The following SMIM41 variants were observed in gnomAD, a reference collection of about 807,000 sequenced individuals.
SMIM41 encodes small integral membrane protein 41.
At chr12:52,095,398 A>G (rs1940075379) in intron 2 of SMIM41, among the ~76,000 whole-genome samples, 1 of 151,722 alleles carries the variant, frequency 6.6e-6, no homozygotes, top group Non-Finnish European at 1.5e-5. Flanking sequence ...GTGGTCCCAT[A>G]GCGTGTTTAC....
intron 1 of SMIM41, among the ~76,000 whole-genome samples, chr12:52,080,825 A>C (rs1188459084): frequency 6.6e-6 from 1 of 151,442 alleles, no homozygotes; most frequent in Non-Finnish European, 1.5e-5. Context: ...GCCCTGGGGA[A>C]TGGGGAGGTG....
intron 2 of SMIM41, among the ~76,000 whole-genome samples, chr12:52,090,446 C>T (rs1458314898): frequency 8.3e-5 from 8 of 96,266 alleles, no homozygotes; most frequent in Middle Eastern, 5.3e-3. Context: ...GGGGAGGGGG[C>T]GGGGGGGAAG....
intron 2 of SMIM41, among the ~76,000 whole-genome samples, chr12:52,098,740 G>A (rs571202224): frequency 0.029 from 3,546 of 123,998 alleles, 78 homozygotes; most frequent in South Asian, 0.073. Flanking sequence ...ATCACGGGGG[G>A]GGGGGTGTAC....
intron 2 of SMIM41, among the ~76,000 whole-genome samples, chr12:52,097,733 T>G (rs1414374241): frequency 6.6e-6 from 1 of 152,002 alleles, no homozygotes; most frequent in Non-Finnish European, 1.5e-5. Flanking sequence ...GTCCATATAT[T>G]AAGAACAATA....
intron 2 of SMIM41, among the ~76,000 whole-genome samples, chr12:52,103,528 G>A (rs1205355695): frequency 1.3e-5 from 2 of 152,064 alleles, no homozygotes; most frequent in Non-Finnish European, 2.9e-5. Context: ...GAAGGCTGAG[G>A]TAGGCAGATC....
At chr12:52,105,144 G>A (rs368749990) in intron 2 of SMIM41, among the ~76,000 whole-genome samples, 14 of 152,306 alleles carry the variant, frequency 9.2e-5, no homozygotes, top group South Asian at 4.1e-4. Context: ...CACTCAGGCC[G>A]ATGCCCCTGC....
chr12:52,097,480 G>T (rs971719214), intron 2 of SMIM41, among the ~76,000 whole-genome samples: 6 of 152,054 alleles, frequency 3.9e-5, no homozygotes, highest in African/African-American at 1.4e-4. Flanking sequence ...CCCCGCTGAT[G>T]CGCAGAGTGA....
chr12:52,105,079 C>T (rs1940306758), intron 2 of SMIM41, among the ~76,000 whole-genome samples: 1 of 152,264 alleles, frequency 6.6e-6, no homozygotes, highest in South Asian at 2.1e-4. Flanking sequence ...AGTCCAGACA[C>T]ATGGCATTTG....
intron 2 of SMIM41, among the ~76,000 whole-genome samples, chr12:52,096,100 C>T (rs1215583110): frequency 6.6e-6 from 1 of 151,502 alleles, no homozygotes; most frequent in African/African-American, 2.4e-5. Flanking sequence ...TCTTATCGTC[C>T]TCTCCCTTCC....
chr12:52,089,319 G>A (rs1939944362), intron 2 of SMIM41, among the ~76,000 whole-genome samples: 1 of 152,080 alleles, frequency 6.6e-6, no homozygotes, highest in African/African-American at 2.4e-5. Context: ...GGGGGGTCGG[G>A]TGGGGCGGCT....
At chr12:52,086,497 C>T (rs1398992993) in intron 2 of SMIM41, among the ~76,000 whole-genome samples, 1 of 152,184 alleles carries the variant, frequency 6.6e-6, no homozygotes. Flanking sequence ...ATAAAACAAA[C>T]ACGCAAAAAG....
At chr12:52,099,553 C>G (rs1940173169) in intron 2 of SMIM41, among the ~76,000 whole-genome samples, 2 of 151,948 alleles carry the variant, frequency 1.3e-5, no homozygotes, top group African/African-American at 2.4e-5. Flanking sequence ...GTAATATCCT[C>G]TCCTCCACGG....
Position 52,107,840 on chromosome 12 carries a change from G to C in SMIM41, c.*657G>C, listed in dbSNP as rs1940372881. On this transcript the variant is annotated 3_prime_UTR_variant, in exon 3 of 3. Coordinates refer to ENST00000546390, the MANE Select transcript of SMIM41 (RefSeq NM_001369216.1). ...AACTTGATTGCCTTACTAATGACCT[G>C]CTTCAAGGAGGTGGACATTCCTAAT... The C allele has an allele frequency of 1.1e-5, 4 of 348,152 alleles. No individual in the cohort carries two copies. The highest frequency in any genetic ancestry group is 2.2e-5 in the African/African-American group (1 of 46,202). The allele number at this position is 348,152 out of a possible 1,614,324, so 21.6% of individuals were successfully genotyped here. A position where few individuals can be genotyped will look rare whatever the true frequency, so the allele number is the denominator to read the frequency against.
chr12:52,089,493 C>T (rs1565666574), intron 2 of SMIM41, among the ~76,000 whole-genome samples: 1 of 152,124 alleles, frequency 6.6e-6, no homozygotes, highest in African/African-American at 2.4e-5. Flanking sequence ...ACTCTGGAGG[C>T]TGAGACAAGA....
At chr12:52,095,340 G>A (rs565122297) in intron 2 of SMIM41, among the ~76,000 whole-genome samples, 1 of 151,326 alleles carries the variant, frequency 6.6e-6, no homozygotes, top group East Asian at 2.0e-4. Context: ...CCCGCGATTC[G>A]GGGAGTAATA....
At chr12:52,091,080 T>C (rs766516686) in intron 2 of SMIM41, among the ~76,000 whole-genome samples, 5 of 152,240 alleles carry the variant, frequency 3.3e-5, no homozygotes, top group Non-Finnish European at 7.3e-5. Flanking sequence ...GGCACAATCA[T>C]GGCTCATTCT....
At chr12:52,092,607 C>T (rs1565667638) in intron 2 of SMIM41, 1 of 152,208 alleles carries the variant, frequency 6.6e-6, no homozygotes, top group African/African-American at 2.4e-5. Context: ...TCTTTCACCT[C>T]CTTCTTTTTT....
intron 2 of SMIM41, among the ~76,000 whole-genome samples, chr12:52,089,480 G>C (rs137878963): frequency 3.9e-5 from 6 of 152,236 alleles, no homozygotes; most frequent in African/African-American, 9.6e-5. Flanking sequence ...GTGCATGCCA[G>C]CTACTCTGGA....
rs995359386 is a variant in SMIM41 at position 52,107,543 on chromosome 12, C to G, written c.*360C>G. 1.9e-5 allele frequency: 19 copies of G among 975,908 alleles called. No individual in the cohort carries two copies. Among genetic ancestry groups the G allele is most frequent in the Admixed American group, 9.0e-5 (5 of 55,584 alleles). The allele number at this position is 975,908 out of a possible 1,614,324, so 60.5% of individuals were successfully genotyped here. A position where few individuals can be genotyped will look rare whatever the true frequency, so the allele number is the denominator to read the frequency against. ...TCTCCAACCTGTCCTTGCCTGACAT[C>G]GGTTTCACCTCCACCACGGTCCCCC... On this transcript the variant is annotated 3_prime_UTR_variant, in exon 3 of 3. Transcript: ENST00000546390.
Sources: allele counts gnomAD v4.1 joint callset (sites outside exome capture counted in the v4.1 genomes callset), GRCh38; gene constraint gnomAD v4.1.1; transcripts MANE v1.5; gene names NCBI Gene and HGNC (gene_info 2026-07-23, HGNC 2026-07-21).